DYRK3: variants seen among roughly 807,000 people sequenced by gnomAD.
DYRK3 encodes dual specificity tyrosine phosphorylation regulated kinase 3, also known as dual specificity tyrosine-phosphorylation-regulated kinase 3.
DYRK3 carries 30 observed loss-of-function variants against 40.8 expected under a neutral mutation model. That is an observed-to-expected ratio of 0.74 (90% CI 0.55 to 1.00). The LOEUF (loss-of-function observed/expected upper bound fraction) is 1.00, where lower values mean the gene tolerates loss of function less well. Ranked by LOEUF, DYRK3 falls within the 50% of genes least tolerant of loss-of-function variation. The pLI, the probability that DYRK3 is intolerant of heterozygous loss-of-function variation, is 0.00. For missense variants in DYRK3, 699 were observed against 731.5 expected, an observed-to-expected ratio of 0.96 and a Z score of 0.51; for synonymous variants, 272 against 260.7, an observed-to-expected ratio of 1.04 and a Z score of -0.42.
rs1267994322 is a variant in DYRK3 at position 206,635,748 on chromosome 1, G to T, written c.45G>T (p.Pro15=). The T allele has an allele frequency of 3.2e-6, 4 of 1,244,954 alleles. No individual in the cohort carries two copies. The highest frequency in any genetic ancestry group is 2.0e-6 in the Non-Finnish European group (2 of 988,940). 77.1% of individuals were successfully genotyped at this position (1,244,954 alleles called of 1,614,324 possible). ...ARGPGRKDAG[P]PGAGLPPQQR... ...GGCCTGGGCGGAAGGATGCGGGGCC[G>T]CCTGGGGCCGGGCTCCCGCCCCAGC... The change falls in exon 1 of 3, where the codon CCG becomes CCT. Residue 15 remains proline, a synonymous_variant. Transcript: ENST00000367109.
chr1:206,635,653 G>C lies in DYRK3; in HGVS notation c.-51G>C. The stretch of plus-strand genomic sequence containing the variant: ...CCGTCCCGGCGTAGGTGGCGTGGCC[G>C]ACCGGACCCCCAACTGGCGCCTCTC... On this transcript the variant is annotated 5_prime_UTR_variant, in exon 1 of 3. Coordinates refer to ENST00000367109, the MANE Select transcript of DYRK3 (RefSeq NM_003582.4). 8.0e-7 allele frequency: 1 copy of C among 1,243,634 alleles called. No homozygotes were observed. Among genetic ancestry groups the C allele is most frequent in the Non-Finnish European group, 1.0e-6 (1 of 989,336 alleles). The allele number at this position is 1,243,634 out of a possible 1,614,324, so 77.0% of individuals were successfully genotyped here.
rs1671721706 is a variant in DYRK3, at chr1:206,655,148, T to C, written c.*6183T>C. Among the ~76,000 whole-genome samples, 1 of 152,326 alleles carries C rather than the reference T, an allele frequency of 6.6e-6. No individual in the cohort carries two copies. The highest frequency in any genetic ancestry group is 6.5e-5 in the Admixed American group (1 of 15,300). On this transcript the variant is annotated 3_prime_UTR_variant, in exon 3 of 3. Coordinates refer to ENST00000367109, the MANE Select transcript of DYRK3 (RefSeq NM_003582.4). ...TGTTTTTTAAAAAATAAAAATGAATTGCTTTGAGAATTTTTTAGCATCCTG... is the reference window on the plus strand; with the variant it reads ...TGTTTTTTAAAAAATAAAAATGAATCGCTTTGAGAATTTTTTAGCATCCTG...
chr1:206,642,338 A>G (rs1245188162), intron 2 of DYRK3, among the ~76,000 whole-genome samples: 6 of 151,484 alleles, frequency 4.0e-5, no homozygotes, highest in Non-Finnish European at 8.8e-5. Flanking sequence ...GTGGGACTGT[A>G]AACTAGTTCA....
chr1:206,637,860 CT>C (rs1376136696), intron 2 of DYRK3, 99 bp downstream of exon 2: 135 of 862,460 alleles, frequency 1.6e-4, no homozygotes, highest in East Asian at 4.3e-4. Flanking sequence ...GACAACCAGA[CT>C]TTTTTTTGGT....
intron 2 of DYRK3, among the ~76,000 whole-genome samples, chr1:206,645,494 G>A (rs782277084): frequency 6.6e-6 from 1 of 151,812 alleles, no homozygotes; most frequent in Non-Finnish European, 1.5e-5. Flanking sequence ...CCCCTTCTTA[G>A]TATTTTTCAC....
At chr1:206,639,492 G>A (rs1207264362) in intron 2 of DYRK3, among the ~76,000 whole-genome samples, 16 of 137,846 alleles carry the variant, frequency 1.2e-4, no homozygotes, top group Non-Finnish European at 2.3e-4. Context: ...TTTTGAGATG[G>A]ACTCTCACTC....
At chr1:206,636,045 T>G in intron 1 of DYRK3, 1 of 1,480,548 alleles carries the variant, frequency 6.8e-7, no homozygotes, top group Non-Finnish European at 9.0e-7. Flanking sequence ...TCTGAAACCC[T>G]AGATCGGGGT....
In DYRK3 at chr1:206,653,610, A is replaced by G. The variant is rs1182608405; in HGVS notation, c.*4645A>G. 6.6e-6 allele frequency among the ~76,000 whole-genome samples: 1 copy of G among 152,156 alleles called. No individual in the cohort carries two copies. The highest frequency in any genetic ancestry group is 6.5e-5 in the Admixed American group (1 of 15,274). On this transcript the variant is annotated 3_prime_UTR_variant, in exon 3 of 3. Transcript: ENST00000367109. ...TTTAAGTTGACCCACACAATCTCTG[A>G]TGTCTTCTTTTTGGGAAAGGGTAAT...
rs15972 is a variant in DYRK3, at chr1:206,654,796, G to A, written c.*5831G>A. On this transcript the variant is annotated 3_prime_UTR_variant, in exon 3 of 3. Coordinates refer to ENST00000367109, the MANE Select transcript of DYRK3 (RefSeq NM_003582.4). ...GCATCGTCTAGACTTTGAAGAAGCA[G>A]GGTATGATTCTTAATATAGCCCACC... is the stretch of plus-strand genomic sequence containing the variant. 5.8e-3 allele frequency among the ~76,000 whole-genome samples: 880 copies of A among 152,308 alleles called. 5 individuals carry two copies. The highest frequency in any genetic ancestry group is 0.02 in the African/African-American group (837 of 41,562).
chr1:206,642,857 TG>T (rs1244100648), intron 2 of DYRK3, among the ~76,000 whole-genome samples: 1 of 151,994 alleles, frequency 6.6e-6, no homozygotes, highest in African/African-American at 2.4e-5. Context: ...CACACCAACA[TG>T]GCACATGTAT....
At chr1:206,640,961 A>T (rs1177957577) in intron 2 of DYRK3, among the ~76,000 whole-genome samples, 1 of 152,244 alleles carries the variant, frequency 6.6e-6, no homozygotes, top group Non-Finnish European at 1.5e-5. Context: ...ATAAAACATG[A>T]TAAATATGAC....
intron 1 of DYRK3, chr1:206,636,737 G>A: frequency 2.1e-6 from 1 of 477,928 alleles, no homozygotes; most frequent in Non-Finnish European, 3.8e-6. Flanking sequence ...TATTCATAGT[G>A]TATCATGTAA....
Position 206,653,043 on chromosome 1 carries a change from A to G in DYRK3, c.*4078A>G, listed in dbSNP as rs782640622. 1.3e-5 allele frequency among the ~76,000 whole-genome samples: 2 copies of G among 151,840 alleles called. No homozygotes were observed. The highest frequency in any genetic ancestry group is 2.9e-5 in the Non-Finnish European group (2 of 67,960). ...TTTTTCTTTATTTTTTCTTTTTGAG[A>G]CAGAGTCTCGCTCTGTCGTCCAGGC... On this transcript the variant is annotated 3_prime_UTR_variant, in exon 3 of 3. Coordinates refer to ENST00000367109, the MANE Select transcript of DYRK3 (RefSeq NM_003582.4).
Position 206,637,741 on chromosome 1 carries a change from C to T in DYRK3, c.169C>T (p.Pro57Ser), listed in dbSNP as rs782321257. 6.2e-7 allele frequency: 1 copy of T among 1,613,120 alleles called. No individual in the cohort carries two copies. The highest frequency in any genetic ancestry group is 8.5e-7 in the Non-Finnish European group (1 of 1,179,182). The change falls in exon 2 of 3, where the codon CCT becomes TCT. Residue 57 changes from proline (P) to serine (S), a missense_variant. Pro to Ser is a moderately conservative substitution (Grantham distance 74). Transcript: ENST00000367109. ...TGTACTCTGCAATCCTTCTGAACCA[C>T]CTCCACCCAGAAGACTAAATGTAAG... is the stretch of plus-strand genomic sequence containing the variant. ...SNVLCNPSEP[P>S]PPRRLNMTTE...
intron 1 of DYRK3, 165 bp downstream of exon 1, chr1:206,635,945 G>A: frequency 2.3e-6 from 3 of 1,319,524 alleles, no homozygotes; most frequent in Non-Finnish European, 2.9e-6. Context: ...TCTCTATCAG[G>A]GCCCCCTCCC....
chr1:206,640,357 A>C (rs1671252581), intron 2 of DYRK3, among the ~76,000 whole-genome samples: 2 of 152,120 alleles, frequency 1.3e-5, no homozygotes, highest in South Asian at 4.1e-4. Context: ...TTTTTTACAA[A>C]GTTTTCTAGC....
Position 206,648,027 on chromosome 1 carries a change from A to G in DYRK3, c.829A>G (p.Ser277Gly). The G allele has an allele frequency of 6.2e-7, 1 of 1,614,220 alleles. No homozygotes were observed. The highest frequency in any genetic ancestry group is 2.2e-5 in the East Asian group (1 of 44,890). ...GSMNVIHMLE[S>G]FTFRNHVCMA... Reference sequence around the variant, plus strand: ...TATGAACGTTATCCACATGCTGGAAAGTTTCACATTCCGGAACCATGTTTG... The same window carrying G: ...TATGAACGTTATCCACATGCTGGAAGGTTTCACATTCCGGAACCATGTTTG... The change falls in exon 3 of 3, where the codon AGT becomes GGT. Residue 277 changes from serine (S) to glycine (G), a missense_variant. Ser to Gly is a moderately conservative substitution (Grantham distance 56). Transcript: ENST00000367109.
At position 206,649,957 on chromosome 1, in the gene DYRK3, CT is replaced by C. The variant is rs1278496003; in HGVS notation, c.*994del. On this transcript the variant is annotated 3_prime_UTR_variant, in exon 3 of 3. Transcript: ENST00000367109. ...TTTTTCCCCCCACTTTCACGTTAAG[CT>C]TAATGCTATTCCCTAGATCTGAGTG... Among the ~76,000 whole-genome samples, 8 of 152,188 alleles carry C rather than the reference CT, an allele frequency of 5.3e-5. No homozygotes were observed. The highest frequency in any genetic ancestry group is 1.9e-4 in the African/African-American group (8 of 41,442).
rs1553421028 is a variant in DYRK3 at position 206,649,451 on chromosome 1, G to T, written c.*486G>T. ...GAAAGAGCTCACAGCAGACTGTGGGGTGGGGGAGCACCAGGAAGCTGTTGG... is the reference window on the plus strand; with the variant it reads ...GAAAGAGCTCACAGCAGACTGTGGGTTGGGGGAGCACCAGGAAGCTGTTGG... On this transcript the variant is annotated 3_prime_UTR_variant, in exon 3 of 3. Coordinates refer to ENST00000367109, the MANE Select transcript of DYRK3 (RefSeq NM_003582.4). 6.6e-6 allele frequency among the ~76,000 whole-genome samples: 1 copy of T among 152,318 alleles called. No individual in the cohort carries two copies. Among genetic ancestry groups the T allele is most frequent in the South Asian group, 2.1e-4 (1 of 4,832 alleles).
Sources: allele counts gnomAD v4.1 joint callset (sites outside exome capture counted in the v4.1 genomes callset), GRCh38; gene constraint gnomAD v4.1.1; transcripts MANE v1.5; gene names NCBI Gene and HGNC (gene_info 2026-07-23, HGNC 2026-07-21).